Variants in ZNF385D observed in about 807,000 individuals in gnomAD.
ZNF385D encodes zinc finger protein 385D, also known as zinc finger protein 659.
ZNF385D carries 15 observed loss-of-function variants against 35.8 expected under a neutral mutation model. The ratio of observed to expected loss-of-function variants is 0.42; its 90% confidence interval spans 0.28 to 0.64. The LOEUF (loss-of-function observed/expected upper bound fraction) is 0.64, where lower values mean the gene tolerates loss of function less well. Among genes scored for constraint, ZNF385D ranks in the 30% least tolerant of loss-of-function variants. The probability of loss-of-function intolerance (pLI) is 0.23; values close to 1 mark genes in which losing one functional copy is unlikely to be tolerated. For synonymous variants in ZNF385D, 212 were observed against 186.8 expected (o/e 1.13, Z -1.10); for missense variants, 474 against 494.6 (o/e 0.96, Z 0.39).
chr3:21,725,487 A>G (rs1013814115), intron 1 of ZNF385D, among the ~76,000 whole-genome samples: 1 of 152,238 alleles, frequency 6.6e-6, no homozygotes, highest in Non-Finnish European at 1.5e-5. Flanking sequence ...GCAATAAAAA[A>G]TGATACAGGG....
intron 2 of ZNF385D, among the ~76,000 whole-genome samples, chr3:22,271,537 TTA>T (rs985688229): frequency 2.0e-5 from 3 of 152,052 alleles, no homozygotes; most frequent in Non-Finnish European, 2.9e-5. Flanking sequence ...GGGCCTCAGC[TTA>T]TGTTTTCAAA....
chr3:21,521,924 G>C (rs910100029), intron 3 of ZNF385D, among the ~76,000 whole-genome samples: 1 of 152,086 alleles, frequency 6.6e-6, no homozygotes, highest in Non-Finnish European at 1.5e-5. Flanking sequence ...AGAATAATTG[G>C]CAAGAGCTTC....
At chr3:21,927,098 T>C (rs934349754) in intron 3 of ZNF385D, among the ~76,000 whole-genome samples, 4 of 152,034 alleles carry the variant, frequency 2.6e-5, no homozygotes, top group East Asian at 1.9e-4. Flanking sequence ...TGATAGCTTA[T>C]TGTTTAAGAA....
chr3:22,040,234 A>G (rs116178015), intron 3 of ZNF385D, among the ~76,000 whole-genome samples: 2,593 of 152,310 alleles, frequency 0.017, 82 homozygotes, highest in African/African-American at 0.06. Context: ...TTTACAAATT[A>G]TCCTAATTTG....
chr3:21,632,344 G>A (rs1256953810), intron 2 of ZNF385D, among the ~76,000 whole-genome samples: 2 of 152,090 alleles, frequency 1.3e-5, no homozygotes, highest in Non-Finnish European at 2.9e-5. Flanking sequence ...TTAACTAAAA[G>A]TGACCAATTT....
At chr3:21,962,600 G>C (rs907198687) in intron 3 of ZNF385D, among the ~76,000 whole-genome samples, 1 of 152,100 alleles carries the variant, frequency 6.6e-6, no homozygotes, top group African/African-American at 2.4e-5. Flanking sequence ...ATTTTTTTCA[G>C]ATGGAATGCA....
At chr3:22,337,199 T>G (rs1695210983) in intron 2 of ZNF385D, among the ~76,000 whole-genome samples, 1 of 152,084 alleles carries the variant, frequency 6.6e-6, no homozygotes, top group Non-Finnish European at 1.5e-5. Flanking sequence ...ATGCTCATTA[T>G]AAGAATGGAT....
chr3:22,305,999 T>G (rs1703189478), intron 2 of ZNF385D, among the ~76,000 whole-genome samples: 1 of 152,144 alleles, frequency 6.6e-6, no homozygotes, highest in African/African-American at 2.4e-5. Flanking sequence ...ATCACTCCTT[T>G]TAGCTGTTTC....
At chr3:21,757,362 T>A (rs561208690) in intron 3 of ZNF385D, among the ~76,000 whole-genome samples, 6 of 152,210 alleles carry the variant, frequency 3.9e-5, no homozygotes, top group African/African-American at 1.4e-4. Flanking sequence ...AGGCTGGTCT[T>A]GAATTCCTGA....
At chr3:22,041,009 G>C (rs1698632070) in intron 3 of ZNF385D, among the ~76,000 whole-genome samples, 1 of 151,934 alleles carries the variant, frequency 6.6e-6, no homozygotes, top group African/African-American at 2.4e-5. Flanking sequence ...CGCATTTACT[G>C]GCTCAAGTAA....
chr3:21,772,596 T>A (rs2071123662), intron 3 of ZNF385D, among the ~76,000 whole-genome samples: 1 of 152,032 alleles, frequency 6.6e-6, no homozygotes, highest in Admixed American at 6.6e-5. Flanking sequence ...GAAACACTTG[T>A]GCATTGTTGG....
chr3:21,970,153 A>G (rs1488904789), intron 3 of ZNF385D, among the ~76,000 whole-genome samples: 1 of 152,178 alleles, frequency 6.6e-6, no homozygotes, highest in East Asian at 1.9e-4. Context: ...TAATTCTTCA[A>G]TACTCTGACA....
chr3:21,949,049 C>G (rs1417187314), intron 3 of ZNF385D, among the ~76,000 whole-genome samples: 3 of 152,082 alleles, frequency 2.0e-5, no homozygotes, highest in Non-Finnish European at 4.4e-5. Context: ...CATTTGTGCT[C>G]TTTAACTTAC....
chr3:21,639,590 C>A (rs1315999441), intron 2 of ZNF385D, among the ~76,000 whole-genome samples: 1 of 151,664 alleles, frequency 6.6e-6, no homozygotes, highest in African/African-American at 2.4e-5. Context: ...TTGAAGATTC[C>A]CTCATTGGTA....
chr3:21,872,780 C>T (rs915323311), intron 3 of ZNF385D, among the ~76,000 whole-genome samples: 4 of 152,002 alleles, frequency 2.6e-5, no homozygotes, highest in East Asian at 1.9e-4. Context: ...ATTTCCCAGC[C>T]GCTACAATGC....
intron 3 of ZNF385D, among the ~76,000 whole-genome samples, chr3:21,842,989 T>C (rs187639151): frequency 1.3e-5 from 2 of 152,130 alleles, no homozygotes; most frequent in South Asian, 2.1e-4. Context: ...TTATTTGAAA[T>C]AGTTTAGAGC....
intron 3 of ZNF385D, among the ~76,000 whole-genome samples, chr3:21,520,016 C>G (rs1707810165): frequency 6.6e-6 from 1 of 152,190 alleles, no homozygotes; most frequent in Admixed American, 6.5e-5. Context: ...CCAGCAAATG[C>G]TCCCCTCTCT....
In ZNF385D at chr3:21,660,420, T is replaced by C. The variant is rs143867023; in HGVS notation, c.165+4466A>G. Among the ~76,000 whole-genome samples, 1,251 of 152,220 alleles carry C rather than the reference T, an allele frequency of 8.2e-3. 19 individuals carry two copies. The highest frequency in any genetic ancestry group is 0.029 in the African/African-American group (1,217 of 41,546). On this transcript the variant is annotated intron_variant, in intron 2 of 7. Coordinates refer to ENST00000281523, the MANE Select transcript of ZNF385D (RefSeq NM_024697.3). ...ATCTGCAGGCACAGGAAGTCAGTTT[T>C]CCTCATTTAATCTTTATACCAACTG...
intron 3 of ZNF385D, among the ~76,000 whole-genome samples, chr3:21,867,084 G>A (rs532238371): frequency 6.6e-6 from 1 of 152,118 alleles, no homozygotes; most frequent in Non-Finnish European, 1.5e-5. Context: ...GAGATACGGT[G>A]TCTAGTGAGG....
Sources: allele counts gnomAD v4.1 joint callset (sites outside exome capture counted in the v4.1 genomes callset), GRCh38; gene constraint gnomAD v4.1.1; transcripts MANE v1.5; gene names NCBI Gene and HGNC (gene_info 2026-07-23, HGNC 2026-07-21).